The following ZNF525 variants were observed in gnomAD, a reference collection of about 807,000 sequenced individuals.
The protein encoded by ZNF525 is zinc finger protein 525.
ZNF525 carries 33 observed loss-of-function variants against 37.6 expected under a neutral mutation model. That is an observed-to-expected ratio of 0.88 (90% CI 0.67 to 1.17). The LOEUF is 1.17. Ranked by LOEUF, ZNF525 falls within the 50% of genes most tolerant of loss-of-function variation. The pLI, the probability that ZNF525 is intolerant of heterozygous loss-of-function variation, is 0.00. For synonymous variants in ZNF525, 170 were observed against 182.3 expected (o/e 0.93, Z 0.54); for missense variants, 449 against 543.1 (o/e 0.83, Z 1.72).
intron 3 of ZNF525, chr19:53,376,231 C>T: frequency 1.4e-6 from 1 of 708,128 alleles, no homozygotes; most frequent in Non-Finnish European, 2.6e-6. Context: ...GGCGCCAACC[C>T]CCGTACCTAA....
At chr19:53,374,291 T>A (rs1398199183) in intron 2 of ZNF525, among the ~76,000 whole-genome samples, 2 of 152,214 alleles carry the variant, frequency 1.3e-5, no homozygotes, top group Non-Finnish European at 2.9e-5. Context: ...TATTTTACCT[T>A]GATATTTCAT....
intron 2 of ZNF525, among the ~76,000 whole-genome samples, chr19:53,375,221 G>A (rs562907839): frequency 3.9e-5 from 6 of 152,200 alleles, no homozygotes; most frequent in East Asian, 3.9e-4. Flanking sequence ...CACTGTGGAC[G>A]TTGTAATCTC....
chr19:53,372,134 G>A (rs2085491882), intron 1 of ZNF525, 81 bp from the exon 2 acceptor site: 1 of 522,062 alleles, frequency 1.9e-6, no homozygotes, highest in Admixed American at 3.2e-5. Flanking sequence ...TCAGGGTGAG[G>A]TCTCCTTTGT....
intron 2 of ZNF525, among the ~76,000 whole-genome samples, chr19:53,372,963 A>C (rs901085009): frequency 2.6e-5 from 4 of 152,168 alleles, no homozygotes; most frequent in African/African-American, 9.7e-5. Flanking sequence ...GGCTTGTGAA[A>C]CAGGTGTTTT....
Position 53,386,306 on chromosome 19 carries a change from T to C in ZNF525, c.*4287T>C, listed in dbSNP as rs962518090. 11 of 720,204 alleles carry C rather than the reference T, an allele frequency of 1.5e-5. No individual in the cohort carries two copies. The African/African-American group carries it at 2.2e-4, about 14-fold the overall frequency. The allele number at this position is 720,204 out of a possible 1,614,324, so 44.6% of individuals were successfully genotyped here. A position where few individuals can be genotyped will look rare whatever the true frequency, so the allele number is the denominator to read the frequency against. ...CAAAAGCAAAACCATCCCACTCCCC[T>C]GTGGATTCAGATCAAAACTGGTAAT... On this transcript the variant is annotated 3_prime_UTR_variant, in exon 4 of 4. Transcript: ENST00000474037.
Position 53,381,836 on chromosome 19 carries a change from T to C in ZNF525, c.1257T>C (p.Ala419=). Residue 419 remains alanine (A), a synonymous_variant, in exon 4 of 4, where the codon GCT becomes GCC. Transcript: ENST00000474037. ...KPYKCEECDE[A]FRFKSSLERH... ...ACAAGTGTGAAGAATGTGATGAAGC[T>C]TTCCGTTTCAAATCAAGTCTTGAAA... is the stretch of plus-strand genomic sequence containing the variant. 1 of 1,060,902 alleles carries C rather than the reference T, an allele frequency of 9.4e-7. No homozygotes were observed. Among genetic ancestry groups the C allele is most frequent in the Non-Finnish European group, 1.5e-6 (1 of 674,364 alleles). The allele number at this position is 1,060,902 out of a possible 1,614,324, so 65.7% of individuals were successfully genotyped here.
Position 53,381,198 on chromosome 19 carries a change from G to A in ZNF525, c.619G>A (p.Glu207Lys). The A allele has an allele frequency of 5.9e-6, 8 of 1,345,990 alleles. No individual in the cohort carries two copies. The highest frequency in any genetic ancestry group is 8.6e-6 in the Non-Finnish European group (8 of 935,648). 83.4% of individuals were successfully genotyped at this position (1,345,990 alleles called of 1,614,324 possible). The change falls in exon 4 of 4, where the codon GAA becomes AAA. Residue 207 changes from glutamate to lysine, a missense_variant. By Grantham distance (56) the Glu-to-Lys change is moderately conservative. This residue lies in a region of ZNF525 where 271 missense variants were observed against 381.6 expected (regional missense o/e 0.71). Coordinates refer to ENST00000474037, the MANE Select transcript of ZNF525 (RefSeq NM_001348156.2). ...LNYSLLTQRQ[E>K]VRMREKSFQC... ...TTATTCATTACTCACACAAAGACAG[G>A]AAGTACGCATGAGAGAAAAATCTTT...
intron 3 of ZNF525, among the ~76,000 whole-genome samples, chr19:53,378,327 C>G (rs148878127): frequency 1.3e-5 from 2 of 152,230 alleles, no homozygotes; most frequent in Non-Finnish European, 2.9e-5. Context: ...CGTGGTGGCA[C>G]ATGGCTGTTA....
At chr19:53,376,088 G>T in intron 3 of ZNF525, 192 bp downstream of exon 3, 6 of 1,239,454 alleles carry the variant, frequency 4.8e-6, no homozygotes, top group Non-Finnish European at 6.9e-6. Flanking sequence ...AGTGGTACAG[G>T]TGCATGCCAC....
intron 3 of ZNF525, 39 bp from the exon 4 acceptor site, chr19:53,380,683 A>G (rs1303939422): frequency 3.2e-6 from 3 of 926,530 alleles, no homozygotes; most frequent in African/African-American, 3.3e-5. Flanking sequence ...TAAAATCAGT[A>G]TTGTCTTTTG....
intron 1 of ZNF525, among the ~76,000 whole-genome samples, chr19:53,369,966 C>G (rs576513401): frequency 2.7e-5 from 4 of 148,130 alleles, no homozygotes; most frequent in Non-Finnish European, 6.0e-5. Context: ...CCTCGTGATC[C>G]GCCCGCCTCG....
rs1277944413 is a variant in ZNF525 at position 53,384,995 on chromosome 19, AT to A, written c.*2980del. On this transcript the variant is annotated 3_prime_UTR_variant, in exon 4 of 4. Coordinates refer to ENST00000474037, the MANE Select transcript of ZNF525 (RefSeq NM_001348156.2). ...GATTTCTATGATGACTGGATTTTGA[AT>A]TTTGTGGAACGCTTTTTCTCCATCT... 4.3e-6 allele frequency: 3 copies of A among 702,020 alleles called. No individual in the cohort carries two copies. The highest frequency in any genetic ancestry group is 7.8e-6 in the Non-Finnish European group (3 of 384,728). 43.5% of individuals were successfully genotyped at this position (702,020 alleles called of 1,614,324 possible).
At chr19:53,367,074 C>CTGGT (rs1013792075) in intron 1 of ZNF525, among the ~76,000 whole-genome samples, 9 of 152,208 alleles carry the variant, frequency 5.9e-5, no homozygotes, top group Admixed American at 3.3e-4. Context: ...CCTTCCATAG[C>CTGGT]TGGTGGCCTT....
rs2085593928 is a variant in ZNF525, at chr19:53,384,857, G to A, written c.*2838G>A. 1.5e-6 allele frequency: 1 copy of A among 669,268 alleles called. No individual in the cohort carries two copies. The highest frequency in any genetic ancestry group is 2.7e-6 in the Non-Finnish European group (1 of 369,752). The allele number at this position is 669,268 out of a possible 1,614,324, so 41.5% of individuals were successfully genotyped here. A position where few individuals can be genotyped will look rare whatever the true frequency, so the allele number is the denominator to read the frequency against. On this transcript the variant is annotated 3_prime_UTR_variant, in exon 4 of 4. Transcript: ENST00000474037. ...AGGGGTGAGAGCATTCTTGCATCAT[G>A]TGAGATCGTACAGGAAAGCATTCCA...
chr19:53,383,912 C>G lies in ZNF525; in HGVS notation c.*1893C>G, dbSNP rs1371454092. ...AGAGAAACCTCACAAGTGTGATGAT[C>G]GTGGCAAAGCCTTTACTTCACATTC... On this transcript the variant is annotated 3_prime_UTR_variant, in exon 4 of 4. Transcript: ENST00000474037. The G allele has an allele frequency of 1.5e-6, 1 of 661,648 alleles. No individual in the cohort carries two copies. The highest frequency in any genetic ancestry group is 3.9e-5 in the East Asian group (1 of 25,864). The allele number at this position is 661,648 out of a possible 1,614,324, so 41.0% of individuals were successfully genotyped here. A position where few individuals can be genotyped will look rare whatever the true frequency, so the allele number is the denominator to read the frequency against.
At chr19:53,369,032 G>T (rs1320837374) in intron 1 of ZNF525, among the ~76,000 whole-genome samples, 1 of 152,110 alleles carries the variant, frequency 6.6e-6, no homozygotes, top group Non-Finnish European at 1.5e-5. Context: ...GGTTACCATA[G>T]ACAGATGAGT....
rs1488082401 is a variant in ZNF525 at position 53,381,476 on chromosome 19, C to G, written c.897C>G (p.Tyr299Ter). 1 of 1,416,020 alleles carries G rather than the reference C, an allele frequency of 7.1e-7. No homozygotes were observed. The highest frequency in any genetic ancestry group is 1.4e-5 in the African/African-American group (1 of 70,984). 87.7% of individuals were successfully genotyped at this position (1,416,020 alleles called of 1,614,324 possible). A position where few individuals can be genotyped will look rare whatever the true frequency, so the allele number is the denominator to read the frequency against. Residue 299 changes from tyrosine (Y) to a stop codon, truncating the protein, a stop_gained, in exon 4 of 4, where the codon TAC becomes TAG. Transcript: ENST00000474037. LOFTEE classifies it high-confidence loss of function. ...GACTTCATACTGGAGAGAAACCTTA[C>G]AAATGTGAAGAATGTGACAAAGCTT... ...HHRLHTGEKP[Y>*]KCEECDKAFR...
At chr19:53,374,003 C>T (rs781678701) in intron 2 of ZNF525, among the ~76,000 whole-genome samples, 4 of 152,070 alleles carry the variant, frequency 2.6e-5, no homozygotes, top group African/African-American at 2.4e-5. Flanking sequence ...CTGCCTCAGC[C>T]TCCTGGGTAG....
In ZNF525 at chr19:53,383,650, C is replaced by A; in HGVS notation, c.*1631C>A. 1.0e-6 allele frequency: 1 copy of A among 970,920 alleles called. No homozygotes were observed. Among genetic ancestry groups the A allele is most frequent in the Non-Finnish European group, 1.5e-6 (1 of 658,512 alleles). The allele number at this position is 970,920 out of a possible 1,614,324, so 60.1% of individuals were successfully genotyped here. On this transcript the variant is annotated 3_prime_UTR_variant, in exon 4 of 4. Coordinates refer to ENST00000474037, the MANE Select transcript of ZNF525 (RefSeq NM_001348156.2). ...CAATCCGTAGTGTAGGGAAACTTGA[C>A]TAACGTAATGATTCTCACAACGTCT...
Sources: allele counts gnomAD v4.1 joint callset (sites outside exome capture counted in the v4.1 genomes callset), GRCh38; gene constraint gnomAD v4.1.1; regional missense constraint gnomAD v4.1.1; transcripts MANE v1.5; gene names NCBI Gene and HGNC (gene_info 2026-07-23, HGNC 2026-07-21).